The following TMEM165 variants were observed in gnomAD, a reference collection of about 807,000 sequenced individuals.
TMEM165 encodes transmembrane protein 165.
In TMEM165, 19 loss-of-function variants were observed where a neutral mutation model predicts 30.0. The observed-to-expected ratio is 0.63, with a 90% CI of 0.44 to 0.93. The LOEUF (loss-of-function observed/expected upper bound fraction) is 0.93. TMEM165 is among the 40% of genes least tolerant of loss of function. The probability of loss-of-function intolerance (pLI) is 0.00; values close to 1 mark genes in which losing one functional copy is unlikely to be tolerated. For missense variants in TMEM165, 340 were observed against 417.0 expected (o/e 0.82, Z 1.61); for synonymous variants, 168 against 162.9 (o/e 1.03, Z -0.24).
chr4:55,419,011 C>T (rs1293394382), intron 4 of TMEM165, among the ~76,000 whole-genome samples: 2 of 151,992 alleles, frequency 1.3e-5, no homozygotes, highest in African/African-American at 4.8e-5. Flanking sequence ...CACCACTGCA[C>T]TCCAGCCTGG....
chr4:55,420,976 T>G (rs1434936771), intron 4 of TMEM165, among the ~76,000 whole-genome samples: 1 of 150,010 alleles, frequency 6.7e-6, no homozygotes. Flanking sequence ...GGCAGGCAAA[T>G]CACCTGAGGT....
At chr4:55,442,715 C>A in intron 3 of TMEM165, 1 of 1,130,240 alleles carries the variant, frequency 8.8e-7, no homozygotes, top group African/African-American at 1.5e-5. Flanking sequence ...ATCATTCTAA[C>A]AATATGACAA....
At chr4:55,451,591 G>A (rs1392241726) in intron 3 of TMEM165, among the ~76,000 whole-genome samples, 2 of 152,114 alleles carry the variant, frequency 1.3e-5, no homozygotes, top group East Asian at 1.9e-4. Context: ...AAATATGGTG[G>A]GAAAGTAGAC....
In TMEM165 at chr4:55,409,694, G is replaced by A. The variant is rs199535138; in HGVS notation, c.208-1920G>A. On this transcript the variant is annotated intron_variant, in intron 1 of 5. Coordinates refer to ENST00000381334, the MANE Select transcript of TMEM165 (RefSeq NM_018475.5). ...CAGATGTCCCCTGGGAGACAAAATC[G>A]CCCTGGTTGAGAACCGCTTGTCTAG... Among the ~76,000 whole-genome samples the A allele has an allele frequency of 3.9e-5, 6 of 152,224 alleles. No homozygotes were observed. In the East Asian group the frequency reaches 9.6e-4, roughly 24 times the overall value.
At chr4:55,402,432 T>TATACACAC (rs1721055816) in intron 1 of TMEM165, among the ~76,000 whole-genome samples, 20 of 34,936 alleles carry the variant, frequency 5.7e-4, no homozygotes, top group Non-Finnish European at 8.7e-4. Context: ...TATATATATA[T>TATACACAC]ATTTTTTTTT....
rs1300545688 is a variant in TMEM165 at position 55,426,027 on chromosome 4, G to A, written c.*575G>A. 1 of 151,236 alleles carries A rather than the reference G, an allele frequency of 6.6e-6. No individual in the cohort carries two copies. The highest frequency in any genetic ancestry group is 1.5e-5 in the Non-Finnish European group (1 of 67,874). 9.4% of individuals were successfully genotyped at this position (151,236 alleles called of 1,614,324 possible). ...TTCTTCCTCTTTTTTTTTTAATTGG[G>A]TAGGACACCCAATATAAAAACAGTC... is the stretch of plus-strand genomic sequence containing the variant. On this transcript the variant is annotated 3_prime_UTR_variant, in exon 6 of 6. Transcript: ENST00000381334.
intron 5 of TMEM165, 97 bp downstream of exon 5, chr4:55,424,740 T>C (rs1220182712): frequency 4.9e-6 from 4 of 821,090 alleles, no homozygotes; most frequent in Non-Finnish European, 7.9e-6. Context: ...TGCTGAAGTA[T>C]ACTTGGTTTT....
chr4:55,437,171 A>C (rs1722947437), intron 3 of TMEM165, among the ~76,000 whole-genome samples: 1 of 152,168 alleles, frequency 6.6e-6, no homozygotes, highest in African/African-American at 2.4e-5. Flanking sequence ...AGCCTGTTTT[A>C]GTTTTCTACA....
intron 2 of TMEM165, chr4:55,412,148 A>G (rs1018194891): frequency 5.2e-6 from 2 of 383,862 alleles, no homozygotes; most frequent in East Asian, 6.5e-5. Flanking sequence ...TAATCCCAGC[A>G]CTTTGGGAGG....
rs116782713 is a variant in TMEM165, at chr4:55,414,432, A to T, written c.433+2593A>T. ...CTTTTATAGCTTTATTTAGTTTTAT[A>T]GATTTAACCACTTTTTTTTTATACT... is the stretch of plus-strand genomic sequence containing the variant. On this transcript the variant is annotated intron_variant, in intron 2 of 5. Transcript: ENST00000381334. Among the ~76,000 whole-genome samples the T allele has an allele frequency of 2.5e-3, 376 of 152,194 alleles. 3 individuals are homozygous for T. The highest frequency in any genetic ancestry group is 8.8e-3 in the African/African-American group (364 of 41,520).
At chr4:55,405,692 T>C (rs1412877351) in intron 1 of TMEM165, among the ~76,000 whole-genome samples, 1 of 152,142 alleles carries the variant, frequency 6.6e-6, no homozygotes, top group Non-Finnish European at 1.5e-5. Flanking sequence ...GTGTGCAGAA[T>C]TTTTTCCTTC....
chr4:55,398,494 CTT>C (rs2109514268), intron 1 of TMEM165, among the ~76,000 whole-genome samples: 1 of 152,342 alleles, frequency 6.6e-6, no homozygotes, highest in East Asian at 1.9e-4. Flanking sequence ...GTGTCTTACT[CTT>C]TTGACTTATT....
At chr4:55,401,797 T>C (rs1721004030) in intron 1 of TMEM165, among the ~76,000 whole-genome samples, 1 of 150,012 alleles carries the variant, frequency 6.7e-6, no homozygotes, top group African/African-American at 2.5e-5. Flanking sequence ...AGTGGTATGC[T>C]GTCATCAAAA....
chr4:55,410,994 G>A (rs1458203329), intron 1 of TMEM165, among the ~76,000 whole-genome samples: 1 of 151,982 alleles, frequency 6.6e-6, no homozygotes, highest in East Asian at 1.9e-4. Flanking sequence ...AATTAGCTGG[G>A]CTTGGTGGTG....
At chr4:55,417,581 AC>A (rs1387158902) in intron 3 of TMEM165, 10 of 572,502 alleles carry the variant, frequency 1.7e-5, no homozygotes, top group Admixed American at 1.7e-4. Context: ...AGCAGTAAAT[AC>A]TGTTTGGTTT....
chr4:55,427,031 C>CTAG (rs1189162780), downstream of TMEM165, among the ~76,000 whole-genome samples: 3 of 122,768 alleles, frequency 2.4e-5, no homozygotes, highest in Non-Finnish European at 1.6e-5. Context: ...GGAATTCTCA[C>CTAG]TAGTATTTTT....
At chr4:55,435,266 T>C in intron 3 of TMEM165, 2 of 920,276 alleles carry the variant, frequency 2.2e-6, no homozygotes, top group Non-Finnish European at 3.4e-6. Flanking sequence ...AGGCAGCATT[T>C]TCTCTGCCAA....
intron 3 of TMEM165, 147 bp from the exon 4 acceptor site, chr4:55,417,655 GT>G (rs1721793209): frequency 6.1e-6 from 4 of 656,082 alleles, no homozygotes; most frequent in Non-Finnish European, 1.0e-5. Flanking sequence ...GAGACCAGTG[GT>G]TCAGAGGGGA....
intron 3 of TMEM165, chr4:55,442,425 C>G (rs1292749383): frequency 6.2e-7 from 1 of 1,604,602 alleles, no homozygotes; most frequent in Admixed American, 1.7e-5. Flanking sequence ...TGAAATATGA[C>G]AACTACCTTA....
Sources: allele counts gnomAD v4.1 joint callset (sites outside exome capture counted in the v4.1 genomes callset), GRCh38; gene constraint gnomAD v4.1.1; transcripts MANE v1.5; gene names NCBI Gene and HGNC (gene_info 2026-07-23, HGNC 2026-07-21).